STK32A: variants seen among roughly 807,000 people sequenced by gnomAD.
STK32A encodes serine/threonine kinase 32A.
Under a neutral mutation model 53.2 loss-of-function variants are expected in STK32A, and 41 were observed. The observed-to-expected ratio is 0.77, with a 90% confidence interval of 0.60 to 1.00. The LOEUF is 1.00. Among genes scored for constraint, STK32A ranks in the 50% least tolerant of loss-of-function variants. STK32A has a pLI of 0.00. For synonymous variants in STK32A, 166 were observed against 162.8 expected (o/e 1.02, Z -0.15); for missense variants, 458 against 485.8 (o/e 0.94, Z 0.54).
chr5:147,255,070 G>A (rs905464379), intron 2 of STK32A, among the ~76,000 whole-genome samples: 5 of 152,160 alleles, frequency 3.3e-5, no homozygotes, highest in African/African-American at 1.2e-4. Flanking sequence ...AACCCAGGAG[G>A]CGGAGCTTGC....
chr5:147,357,407 T>G (rs1756298288), intron 7 of STK32A, among the ~76,000 whole-genome samples: 1 of 152,126 alleles, frequency 6.6e-6, no homozygotes, highest in Non-Finnish European at 1.5e-5. Context: ...TCAAATTCTT[T>G]GCTCATTTTC....
chr5:147,249,523 A>AT (rs1409731637), intron 2 of STK32A, among the ~76,000 whole-genome samples: 1 of 151,986 alleles, frequency 6.6e-6, no homozygotes, highest in African/African-American at 2.4e-5. Flanking sequence ...CAGAGACCGA[A>AT]TTTTCTGATC....
intron 4 of STK32A, among the ~76,000 whole-genome samples, chr5:147,313,465 A>T (rs1753804397): frequency 1.3e-5 from 2 of 152,194 alleles, no homozygotes; most frequent in Admixed American, 1.3e-4. Flanking sequence ...GTATACTGTT[A>T]AGTGAAAAAA....
intron 2 of STK32A, among the ~76,000 whole-genome samples, chr5:147,251,576 T>C (rs1029671913): frequency 1.3e-5 from 2 of 152,304 alleles, no homozygotes; most frequent in East Asian, 3.9e-4. Context: ...CCAACCAGAA[T>C]GCATATATAA....
intron 2 of STK32A, among the ~76,000 whole-genome samples, chr5:147,240,482 C>T (rs867225483): frequency 6.6e-6 from 1 of 152,180 alleles, no homozygotes; most frequent in African/African-American, 2.4e-5. Flanking sequence ...GACTGAAATT[C>T]AGGAAATCTG....
At position 147,341,994 on chromosome 5, in the gene STK32A, A is replaced by G. The variant is rs78859645; in HGVS notation, c.435-1012A>G. 0.013 allele frequency among the ~76,000 whole-genome samples: 2,046 copies of G among 152,262 alleles called. 139 individuals carry two copies. The East Asian group carries it at 0.2, about 15-fold the overall frequency. ...TTTGCAAAGCCTTGGTGAATATTATAGTAAGGAACACTCCTGAATCAAAAA... is the reference window on the plus strand; with the variant it reads ...TTTGCAAAGCCTTGGTGAATATTATGGTAAGGAACACTCCTGAATCAAAAA... On this transcript the variant is annotated intron_variant, in intron 5 of 12. Transcript: ENST00000397936.
At chr5:147,252,377 T>G (rs1268513424) in intron 2 of STK32A, among the ~76,000 whole-genome samples, 1 of 152,212 alleles carries the variant, frequency 6.6e-6, no homozygotes, top group Non-Finnish European at 1.5e-5. Flanking sequence ...ATTAAAAAGA[T>G]CTTCTGTTTA....
At chr5:147,278,990 A>G (rs1561688470) in intron 3 of STK32A, among the ~76,000 whole-genome samples, 1 of 152,186 alleles carries the variant, frequency 6.6e-6, no homozygotes, top group Non-Finnish European at 1.5e-5. Context: ...TTTTCACCAA[A>G]ATGCTGTCTT....
chr5:147,240,794 G>C (rs1180001719), intron 2 of STK32A, among the ~76,000 whole-genome samples: 1 of 152,214 alleles, frequency 6.6e-6, no homozygotes, highest in Non-Finnish European at 1.5e-5. Context: ...TCCAGGTGAT[G>C]TGTGGTTCCA....
intron 4 of STK32A, among the ~76,000 whole-genome samples, chr5:147,303,833 C>T (rs554871745): frequency 2.0e-5 from 3 of 152,264 alleles, no homozygotes; most frequent in African/African-American, 7.2e-5. Flanking sequence ...AGCACAGTTT[C>T]TGAAGAAGAA....
intron 4 of STK32A, among the ~76,000 whole-genome samples, chr5:147,289,053 G>C (rs902205741): frequency 6.6e-6 from 1 of 152,114 alleles, no homozygotes; most frequent in Admixed American, 6.5e-5. Flanking sequence ...GACATCCAAA[G>C]GACAAATCTA....
rs1185773441 is a variant in STK32A at position 147,384,107 on chromosome 5, A to C, written c.*124A>C. 58 of 1,492,110 alleles carry C rather than the reference A, an allele frequency of 3.9e-5. No homozygotes were observed. Among genetic ancestry groups the C allele is most frequent in the Non-Finnish European group, 4.9e-5 (56 of 1,132,510 alleles). 92.4% of individuals were successfully genotyped at this position (1,492,110 alleles called of 1,614,324 possible). A position where few individuals can be genotyped will look rare whatever the true frequency, so the allele number is the denominator to read the frequency against. On this transcript the variant is annotated 3_prime_UTR_variant, in exon 13 of 13. Coordinates refer to ENST00000397936, the MANE Select transcript of STK32A (RefSeq NM_001112724.2). Reference sequence around the variant, plus strand: ...TGACTTAGAAAATGTGAATGAATATATTTCAAAAAAGGCAGCACAACACAG... The same window carrying C: ...TGACTTAGAAAATGTGAATGAATATCTTTCAAAAAAGGCAGCACAACACAG...
chr5:147,328,169 C>A (rs1754693408), intron 5 of STK32A, among the ~76,000 whole-genome samples: 1 of 152,216 alleles, frequency 6.6e-6, no homozygotes, highest in Non-Finnish European at 1.5e-5. Context: ...CACAGCAAGT[C>A]TAGCCTAGCA....
chr5:147,327,055 A>T (rs1392156356), intron 5 of STK32A, among the ~76,000 whole-genome samples: 2 of 152,306 alleles, frequency 1.3e-5, no homozygotes, highest in East Asian at 3.9e-4. Context: ...TGTTCTGATA[A>T]CCAGGATTTT....
At chr5:147,334,639 T>A (rs1164832171) in intron 5 of STK32A, among the ~76,000 whole-genome samples, 2 of 152,170 alleles carry the variant, frequency 1.3e-5, no homozygotes, top group Non-Finnish European at 2.9e-5. Flanking sequence ...TGGAATAAAG[T>A]ATAAAAAGGG....
In STK32A at chr5:147,279,234, T is replaced by G; in HGVS notation, c.109-13T>G. The G allele has an allele frequency of 6.3e-7, 1 of 1,599,846 alleles. No homozygotes were observed. The highest frequency in any genetic ancestry group is 8.5e-7 in the Non-Finnish European group (1 of 1,170,062). ...CTCCCTAATCACTCTCTCACTCGGG[T>G]TTTCACCATTAGGTCTGCATTGTAC... On this transcript the variant is annotated splice_polypyrimidine_tract_variant and intron_variant, in intron 3 of 12. Coordinates refer to ENST00000397936, the MANE Select transcript of STK32A (RefSeq NM_001112724.2).
At chr5:147,307,418 T>G (rs1753464070) in intron 4 of STK32A, among the ~76,000 whole-genome samples, 1 of 151,932 alleles carries the variant, frequency 6.6e-6, no homozygotes, top group Non-Finnish European at 1.5e-5. Context: ...GCCAGGAGCT[T>G]GAGACAAGCC....
chr5:147,337,998 C>G (rs1755221244), intron 5 of STK32A, among the ~76,000 whole-genome samples: 1 of 151,982 alleles, frequency 6.6e-6, no homozygotes, highest in African/African-American at 2.4e-5. Flanking sequence ...AACTGAGAGG[C>G]CAGGGTGTTA....
At chr5:147,347,023 A>G (rs902764602) in intron 6 of STK32A, among the ~76,000 whole-genome samples, 5 of 152,192 alleles carry the variant, frequency 3.3e-5, no homozygotes, top group Non-Finnish European at 7.3e-5. Context: ...ACAGTAACTT[A>G]TCCCCATTTA....
Sources: allele counts gnomAD v4.1 joint callset (sites outside exome capture counted in the v4.1 genomes callset), GRCh38; gene constraint gnomAD v4.1.1; transcripts MANE v1.5; gene names NCBI Gene and HGNC (gene_info 2026-07-23, HGNC 2026-07-21).